The following CTNNA2 variants were observed in gnomAD, a reference collection of about 807,000 sequenced individuals.
CTNNA2 encodes catenin alpha-2.
A neutral mutation model predicts 101.0 loss-of-function variants in CTNNA2; 42 were observed. The ratio of observed to expected loss-of-function variants is 0.42; its 90% CI spans 0.32 to 0.54. The LOEUF is 0.54. Among genes scored for constraint, CTNNA2 ranks in the 20% least tolerant of loss-of-function variants. The pLI, the probability that CTNNA2 is intolerant of heterozygous loss-of-function variation, is 0.14. For missense variants in CTNNA2, 871 were observed against 1,223.1 expected (o/e 0.71, Z 4.29); for synonymous variants, 450 against 456.4 (o/e 0.99, Z 0.18).
chr2:79,502,766 T>G (rs895255280), intron 4 of CTNNA2, among the ~76,000 whole-genome samples: 1 of 152,188 alleles, frequency 6.6e-6, no homozygotes, highest in Non-Finnish European at 1.5e-5. Context: ...GCTCCCTAGC[T>G]TTAGTGGAAA....
At chr2:79,872,688 A>G (rs1682685040) in intron 5 of CTNNA2, among the ~76,000 whole-genome samples, 1 of 152,212 alleles carries the variant, frequency 6.6e-6, no homozygotes, top group Non-Finnish European at 1.5e-5. Flanking sequence ...ACAATCTTAG[A>G]TATCAAATAT....
chr2:80,632,413 T>C (rs1014255419), intron 18 of CTNNA2, among the ~76,000 whole-genome samples: 3 of 152,140 alleles, frequency 2.0e-5, no homozygotes, highest in Non-Finnish European at 4.4e-5. Context: ...ACAGCTCCTA[T>C]TGTAAGAATG....
chr2:80,045,063 G>A (rs568587331), intron 7 of CTNNA2, among the ~76,000 whole-genome samples: 1 of 152,302 alleles, frequency 6.6e-6, no homozygotes, highest in South Asian at 2.1e-4. Flanking sequence ...TGGGCCTATG[G>A]CCTCTCCAGA....
At chr2:79,285,429 G>T (rs1485118684) in intron 2 of CTNNA2, among the ~76,000 whole-genome samples, 1 of 147,942 alleles carries the variant, frequency 6.8e-6, no homozygotes, top group Non-Finnish European at 1.5e-5. Context: ...CTTTGAATGC[G>T]TCCCAGAGAT....
intron 4 of CTNNA2, among the ~76,000 whole-genome samples, chr2:79,487,996 C>A (rs1449379002): frequency 6.6e-6 from 1 of 152,090 alleles, no homozygotes; most frequent in Non-Finnish European, 1.5e-5. Flanking sequence ...GTAACATACT[C>A]TCTGGTCCTA....
intron 7 of CTNNA2, among the ~76,000 whole-genome samples, chr2:80,082,448 A>C (rs1206781779): frequency 6.6e-6 from 1 of 152,050 alleles, no homozygotes; most frequent in African/African-American, 2.4e-5. Context: ...ACAATCTAAG[A>C]AGAAAATTCA....
At chr2:79,427,905 T>C (rs567963977) in intron 4 of CTNNA2, among the ~76,000 whole-genome samples, 107 of 152,202 alleles carry the variant, frequency 7.0e-4, no homozygotes, top group Non-Finnish European at 1.2e-3. Context: ...TAATAAACCT[T>C]TACTAGATAC....
chr2:80,458,071 G>A (rs75476247), intron 9 of CTNNA2, among the ~76,000 whole-genome samples: 6,258 of 152,214 alleles, frequency 0.041, 387 homozygotes, highest in African/African-American at 0.14. Context: ...CAATCCTTGT[G>A]TAGGTGCCAA....
Position 79,858,185 on chromosome 2 carries a change from TA to T in CTNNA2, c.465+7del. On this transcript the variant is annotated splice_region_variant and intron_variant, in intron 4 of 18. Transcript: ENST00000402739. ...TTTTATCCCATCTGAAAATTGTACG[TA>T]TGTAGAACTTATCAAAACTTTCTTT... 6.2e-7 allele frequency: 1 copy of T among 1,601,476 alleles called. No homozygotes were observed.
At chr2:80,205,045 A>T (rs1367621686) in intron 7 of CTNNA2, among the ~76,000 whole-genome samples, 1 of 152,104 alleles carries the variant, frequency 6.6e-6, no homozygotes, top group Non-Finnish European at 1.5e-5. Context: ...CCATAATTCA[A>T]TCATCTCCCA....
intron 12 of CTNNA2, among the ~76,000 whole-genome samples, chr2:80,568,286 T>C (rs1238079854): frequency 2.0e-5 from 3 of 152,238 alleles, no homozygotes; most frequent in South Asian, 4.1e-4. Flanking sequence ...AGACTTGTTA[T>C]GTGAAATGTG....
intron 12 of CTNNA2, among the ~76,000 whole-genome samples, chr2:80,565,926 A>C (rs1333544411): frequency 6.6e-6 from 1 of 152,186 alleles, no homozygotes; most frequent in African/African-American, 2.4e-5. Flanking sequence ...AATTGGTTTA[A>C]TAACGTGTAA....
At chr2:80,017,446 GTGTATATATA>G (rs939840975) in intron 7 of CTNNA2, among the ~76,000 whole-genome samples, 1 of 151,588 alleles carries the variant, frequency 6.6e-6, no homozygotes, top group African/African-American at 2.4e-5. Flanking sequence ...ATATATACGT[GTGTATATATA>G]TGTATATATG....
chr2:80,049,964 T>C (rs1696765165), intron 7 of CTNNA2, among the ~76,000 whole-genome samples: 1 of 152,272 alleles, frequency 6.6e-6, no homozygotes, highest in South Asian at 2.1e-4. Flanking sequence ...TTGCGGCCTA[T>C]AGGACTCTCA....
At chr2:79,289,217 C>A (rs1026659190) in intron 2 of CTNNA2, among the ~76,000 whole-genome samples, 3 of 152,154 alleles carry the variant, frequency 2.0e-5, no homozygotes, top group Admixed American at 6.5e-5. Flanking sequence ...TCTCACACAG[C>A]TGAGGTGAAG....
At position 79,466,878 on chromosome 2, in the gene CTNNA2, C is replaced by T. The variant is rs116107615; in HGVS notation, c.-134-38176C>T. On this transcript the variant is annotated intron_variant, in intron 4 of 21. Coordinates refer to the CTNNA2 transcript ENST00000466387. ...CATCCATACCAAAACCCCATCTGTA[C>T]GACACCATCATCAAGGACCAAAGGT... Among the ~76,000 whole-genome samples, 941 of 152,274 alleles carry T rather than the reference C, an allele frequency of 6.2e-3. 2 individuals are homozygous for T. The highest frequency in any genetic ancestry group is 8.8e-3 in the Non-Finnish European group (602 of 68,024).
intron 7 of CTNNA2, among the ~76,000 whole-genome samples, chr2:80,318,804 T>C (rs1678389546): frequency 2.0e-5 from 3 of 152,172 alleles, no homozygotes; most frequent in African/African-American, 7.2e-5. Context: ...TAGGTTAGGA[T>C]TCTTTCCAAG....
At chr2:79,793,589 T>C (rs1240599617) in intron 3 of CTNNA2, among the ~76,000 whole-genome samples, 5 of 152,180 alleles carry the variant, frequency 3.3e-5, no homozygotes, top group African/African-American at 1.2e-4. Context: ...GTTTTCATTA[T>C]GCAAACATCT....
intron 4 of CTNNA2, among the ~76,000 whole-genome samples, chr2:79,869,024 T>C (rs901956673): frequency 6.6e-6 from 1 of 152,350 alleles, no homozygotes; most frequent in South Asian, 2.1e-4. Flanking sequence ...TCATACCATA[T>C]TGAAGTTAAG....
Sources: allele counts gnomAD v4.1 joint callset (sites outside exome capture counted in the v4.1 genomes callset), GRCh38; gene constraint gnomAD v4.1.1; transcripts MANE v1.5; gene names NCBI Gene and HGNC (gene_info 2026-07-23, HGNC 2026-07-21).